Variants in TFDP1 observed in about 807,000 individuals in gnomAD.
The protein encoded by TFDP1 is DRTF1-polypeptide 1.
A neutral mutation model predicts 48.0 loss-of-function variants in TFDP1; 6 were observed. That is an observed-to-expected ratio of 0.13 (90% CI 0.07 to 0.25). TFDP1 has a LOEUF of 0.25. Among genes scored for constraint, TFDP1 ranks in the 10% least tolerant of loss-of-function variants. TFDP1 has a pLI of 1.00. For synonymous variants in TFDP1, 201 were observed against 211.6 expected (o/e 0.95, Z 0.44); for missense variants, 335 against 543.0 (o/e 0.62, Z 3.81).
chr13:113,610,488 T>G (rs900892544), intron 2 of TFDP1, among the ~76,000 whole-genome samples: 2 of 150,660 alleles, frequency 1.3e-5, no homozygotes, highest in Non-Finnish European at 3.0e-5. Flanking sequence ...GCTGTGTGGT[T>G]GTGCCATCAC....
intron 5 of TFDP1, among the ~76,000 whole-genome samples, chr13:113,632,324 AG>A (rs1242270548): frequency 6.6e-6 from 1 of 152,258 alleles, no homozygotes; most frequent in African/African-American, 2.4e-5. Flanking sequence ...GGGACTGACC[AG>A]AGTGTACAGA....
In TFDP1 at chr13:113,635,365, T is replaced by C. The variant is rs147992591; in HGVS notation, c.688-612T>C. On this transcript the variant is annotated intron_variant, in intron 8 of 11. Transcript: ENST00000375370. The stretch of plus-strand genomic sequence containing the variant: ...GAGTGTCAGGAGGGACAGTCCTGGT[T>C]GCCAGTGCCTTAGGACCTGCCAGGT... Among the ~76,000 whole-genome samples the C allele has an allele frequency of 1.3e-4, 20 of 152,326 alleles. No homozygotes were observed. The East Asian group carries it at 3.7e-3, about 28-fold the overall frequency.
intron 3 of TFDP1, among the ~76,000 whole-genome samples, chr13:113,614,427 C>T (rs1372639559): frequency 1.3e-5 from 2 of 152,146 alleles, no homozygotes; most frequent in Admixed American, 6.5e-5. Flanking sequence ...TTGCCCTCGG[C>T]GGTGCCAGTG....
intron 4 of TFDP1, among the ~76,000 whole-genome samples, chr13:113,631,201 C>A (rs1458758543): frequency 1.3e-5 from 2 of 152,224 alleles, no homozygotes; most frequent in Non-Finnish European, 2.9e-5. Flanking sequence ...ATCCATATCA[C>A]TAAAAGGAAG....
rs1037080611 is a variant in TFDP1, at chr13:113,598,113, C to T, written c.12+12264C>T. On this transcript the variant is annotated intron_variant, in intron 2 of 11. Coordinates refer to ENST00000375370, the MANE Select transcript of TFDP1 (RefSeq NM_007111.5). This position sits in a 1 kb window ranked among gnomAD's most constrained non-coding sequence, Gnocchi z 4.2. ...TGCAGAATCCAACTGTGTTGGGAGC[C>T]ACTTGCTGGTGCCTGGCCAAGTTCC... is the stretch of plus-strand genomic sequence containing the variant. 3.3e-5 allele frequency among the ~76,000 whole-genome samples: 5 copies of T among 152,130 alleles called. No homozygotes were observed. In the East Asian group the frequency reaches 5.8e-4, roughly 18 times the overall value.
chr13:113,612,817 G>T (rs1408915236), intron 3 of TFDP1, among the ~76,000 whole-genome samples: 3 of 152,230 alleles, frequency 2.0e-5, no homozygotes, highest in Non-Finnish European at 4.4e-5. Flanking sequence ...CTGCATTCAT[G>T]ACATAGCTGA....
chr13:113,602,005 T>C (rs1317305802), intron 2 of TFDP1, among the ~76,000 whole-genome samples: 1 of 149,266 alleles, frequency 6.7e-6, no homozygotes, highest in Admixed American at 6.6e-5. Context: ...CCCGCAGGAG[T>C]CGAGGGAGGA....
At chr13:113,585,571 T>G (rs1044524796) in intron 1 of TFDP1, 3 of 365,968 alleles carry the variant, frequency 8.2e-6, no homozygotes, top group Non-Finnish European at 1.5e-5. Flanking sequence ...GCGGGCCACT[T>G]TTCCGCAGGG....
chr13:113,630,444 A>C (rs1050947370), intron 4 of TFDP1, among the ~76,000 whole-genome samples: 10 of 152,078 alleles, frequency 6.6e-5, no homozygotes, highest in Admixed American at 4.6e-4. Context: ...AGCTGCTCCC[A>C]GGGCCACCGC....
rs1345460850 is a variant in TFDP1 at position 113,624,459 on chromosome 13, C to T, written c.186+1173C>T. ...TGTCCTCAGGTATCTCTCACATGTCCCCACGTGTCTCTCAGGGTGTCTCTC... is the reference window on the plus strand; with the variant it reads ...TGTCCTCAGGTATCTCTCACATGTCTCCACGTGTCTCTCAGGGTGTCTCTC... On this transcript the variant is annotated intron_variant, in intron 4 of 11. Transcript: ENST00000375370. Among the ~76,000 whole-genome samples the T allele has an allele frequency of 7.3e-5, 11 of 151,016 alleles. 1 individual carries two copies. Among genetic ancestry groups the T allele is most frequent in the Admixed American group, 6.6e-4 (10 of 15,204 alleles).
intron 2 of TFDP1, among the ~76,000 whole-genome samples, chr13:113,602,961 T>C (rs1415927865): frequency 4.7e-5 from 6 of 127,748 alleles, no homozygotes; most frequent in Non-Finnish European, 1.6e-5. Flanking sequence ...ACACTAACAA[T>C]AGTTGAGCTA....
chr13:113,613,557 T>G (rs1347662370), intron 3 of TFDP1, among the ~76,000 whole-genome samples: 2 of 150,332 alleles, frequency 1.3e-5, no homozygotes, highest in Non-Finnish European at 2.9e-5. Context: ...TGTGTGTCAC[T>G]GAGTGTGCAT....
At chr13:113,611,188 T>G (rs763430871) in intron 3 of TFDP1, 126 bp downstream of exon 3, 2 of 914,778 alleles carry the variant, frequency 2.2e-6, no homozygotes, top group Non-Finnish European at 3.5e-6. Flanking sequence ...ACCTTTGTGC[T>G]CCGGGAACCC....
At chr13:113,585,747 CCTT>C (rs1368025992) in intron 1 of TFDP1, 24 bp from the exon 2 acceptor site, 7 of 1,216,154 alleles carry the variant, frequency 5.8e-6, no homozygotes, top group South Asian at 1.4e-5. Flanking sequence ...TCTTGTTTTT[CCTT>C]ACTTTTTTTT....
chr13:113,610,703 A>G (rs942876371), intron 2 of TFDP1, among the ~76,000 whole-genome samples: 4 of 152,234 alleles, frequency 2.6e-5, no homozygotes, highest in African/African-American at 9.6e-5. Flanking sequence ...TCTATTGTGA[A>G]CATTTTCCTC....
Position 113,598,740 on chromosome 13 carries a change from G to A in TFDP1, c.13-12256G>A, listed in dbSNP as rs548439820. On this transcript the variant is annotated intron_variant, in intron 2 of 11. Transcript: ENST00000375370. The surrounding 1 kb of genome is among the most constrained non-coding windows in gnomAD (Gnocchi z 4.2). ...GTGGGGCCGGGAGGAGGCGTTCTCTGCCCCTACGTGGCTCACACTGTGGTT... is the reference window on the plus strand; with the variant it reads ...GTGGGGCCGGGAGGAGGCGTTCTCTACCCCTACGTGGCTCACACTGTGGTT... Among the ~76,000 whole-genome samples, 2 of 152,272 alleles carry A rather than the reference G, an allele frequency of 1.3e-5. No individual in the cohort carries two copies. Among genetic ancestry groups the A allele is most frequent in the Admixed American group, 1.3e-4 (2 of 15,292 alleles).
chr13:113,622,089 C>T (rs1460983714), intron 3 of TFDP1, among the ~76,000 whole-genome samples: 1 of 152,234 alleles, frequency 6.6e-6, no homozygotes, highest in African/African-American at 2.4e-5. Context: ...GCCCCCTGTC[C>T]AGTGGACGCG....
intron 4 of TFDP1, among the ~76,000 whole-genome samples, chr13:113,631,068 G>A (rs958669614): frequency 2.0e-5 from 3 of 152,248 alleles, no homozygotes; most frequent in African/African-American, 7.2e-5. Flanking sequence ...GGTGATGGCT[G>A]TCACCCTGCT....
intron 2 of TFDP1, among the ~76,000 whole-genome samples, chr13:113,597,199 A>G (rs555862984): frequency 1.3e-5 from 2 of 152,368 alleles, no homozygotes; most frequent in Non-Finnish European, 2.9e-5. Context: ...AATTCTTTCT[A>G]AAAGGGAAAA....
Sources: allele counts gnomAD v4.1 joint callset (sites outside exome capture counted in the v4.1 genomes callset), GRCh38; gene constraint gnomAD v4.1.1; non-coding constraint Gnocchi (gnomAD v3.1); transcripts MANE v1.5; gene names NCBI Gene and HGNC (gene_info 2026-07-23, HGNC 2026-07-21).